LAMA3: variants seen among roughly 807,000 people sequenced by gnomAD.
The protein encoded by LAMA3 is laminin subunit alpha 3, also known as laminin subunit alpha-3.
LAMA3 carries 281 observed loss-of-function variants against 402.0 expected under a neutral mutation model. The ratio of observed to expected loss-of-function variants is 0.70; its 90% CI spans 0.63 to 0.77. LAMA3 has a LOEUF of 0.77. Among genes scored for constraint, LAMA3 ranks in the 30% least tolerant of loss-of-function variants. LAMA3 has a pLI of 0.00. For synonymous variants in LAMA3, 1,431 were observed against 1,558.4 expected (o/e 0.92, Z 1.93); for missense variants, 3,840 against 4,215.5 (o/e 0.91, Z 2.47).
At position 23,954,693 on chromosome 18, in the gene LAMA3, G is replaced by T; in HGVS notation, c.*45G>T. The T allele has an allele frequency of 1.2e-6, 2 of 1,600,760 alleles. No individual in the cohort carries two copies. The highest frequency in any genetic ancestry group is 1.1e-5 in the South Asian group (1 of 90,780). On this transcript the variant is annotated 3_prime_UTR_variant, in exon 75 of 75. Transcript: ENST00000313654. ...AAGGAAATTCACCTTCAAAAGCACT[G>T]ATTACCCAATGCACCTCCCTCCCCA... is the stretch of plus-strand genomic sequence containing the variant.
intron 68 of LAMA3, 58 bp downstream of exon 68, chr18:23,939,444 C>A: frequency 7.1e-6 from 11 of 1,559,982 alleles, no homozygotes; most frequent in Admixed American, 1.7e-5. Flanking sequence ...GCGATTCCAC[C>A]TCAGGGAAGT....
In LAMA3 at chr18:23,951,726, T is replaced by C. The variant is rs765495036; in HGVS notation, c.9685T>C (p.Ser3229Pro). 2 of 1,613,834 alleles carry C rather than the reference T, an allele frequency of 1.2e-6. No individual in the cohort carries two copies. The highest frequency in any genetic ancestry group is 1.1e-5 in the South Asian group (1 of 91,056). Residue 3229 changes from serine to proline, a missense_variant, in exon 73 of 75, where the codon TCG becomes CCG. Around this residue, in one of 3 missense-constraint regions of LAMA3, gnomAD observed 840 missense variants for 981.9 expected, o/e 0.86. Coordinates refer to ENST00000313654, the MANE Select transcript of LAMA3 (RefSeq NM_198129.4). ...MDSGAGGTST[S>P]VTPKQSLCDG... is the part of the protein sequence containing the mutation. ...CAGTGGGGCAGGTGGGACCTCAACG[T>C]CGGTCACACCAAAGCAGTCTCTGTG...
chr18:23,886,763 C>G (rs2065087257), intron 41 of LAMA3, among the ~76,000 whole-genome samples: 1 of 152,154 alleles, frequency 6.6e-6, no homozygotes, highest in Non-Finnish European at 1.5e-5. Context: ...AAGGCATAAC[C>G]ACCCTAGACT....
At chr18:23,924,763 G>A (rs920028083) in intron 62 of LAMA3, among the ~76,000 whole-genome samples, 2 of 151,728 alleles carry the variant, frequency 1.3e-5, no homozygotes, top group Admixed American at 6.6e-5. Context: ...GGCTGGTCTC[G>A]AACTCCTGAC....
chr18:23,752,862 T>G (rs1568146228), intron 5 of LAMA3, among the ~76,000 whole-genome samples: 1 of 152,198 alleles, frequency 6.6e-6, no homozygotes, highest in Non-Finnish European at 1.5e-5. Context: ...CCTTGCGAAT[T>G]CAAAGACTTC....
chr18:23,950,319 T>G (rs1599184354), intron 72 of LAMA3, among the ~76,000 whole-genome samples, 160 bp downstream of exon 72: 2 of 152,300 alleles, frequency 1.3e-5, no homozygotes, highest in South Asian at 4.1e-4. Context: ...GCAAGTAATT[T>G]TATCATCATG....
chr18:23,844,690 A>G lies in LAMA3; in HGVS notation c.3604-319A>G, dbSNP rs58651870. Among the ~76,000 whole-genome samples, 5,240 of 148,904 alleles carry G rather than the reference A, an allele frequency of 0.035. 293 individuals carry two copies. The highest frequency in any genetic ancestry group is 0.12 in the African/African-American group (5,000 of 40,520). ...GTGTTGATCTCAGTGAAGAGAAAGTACAGGTTGAAAATCTCTTATCTGAAA... is the reference window on the plus strand; with the variant it reads ...GTGTTGATCTCAGTGAAGAGAAAGTGCAGGTTGAAAATCTCTTATCTGAAA... On this transcript the variant is annotated intron_variant, in intron 29 of 74. Coordinates refer to ENST00000313654, the MANE Select transcript of LAMA3 (RefSeq NM_198129.4).
At chr18:23,870,183 A>G (rs2064475859) in intron 37 of LAMA3, among the ~76,000 whole-genome samples, 1 of 152,106 alleles carries the variant, frequency 6.6e-6, no homozygotes, top group South Asian at 2.1e-4. Flanking sequence ...CGTGCCTATA[A>G]TCCCAGTTAC....
chr18:23,948,886 G>C (rs2082804351), intron 70 of LAMA3, among the ~76,000 whole-genome samples: 1 of 152,106 alleles, frequency 6.6e-6, no homozygotes, highest in Non-Finnish European at 1.5e-5. Context: ...TTCTTTTAAA[G>C]TTACCATATC....
rs536898622 is a variant in LAMA3 at position 23,704,181 on chromosome 18, G to A, written c.295-9739G>A. ...GGCTTTTTGTGCCTGCCACAAGGGC[G>A]TGCATCTGAACCTCTGCCAGACAGA... On this transcript the variant is annotated intron_variant, in intron 1 of 74. Transcript: ENST00000313654. 2.3e-3 allele frequency among the ~76,000 whole-genome samples: 356 copies of A among 152,328 alleles called. 4 individuals are homozygous for A. The highest frequency in any genetic ancestry group is 0.014 in the South Asian group (69 of 4,818).
At chr18:23,723,268 T>C (rs1448120552) in intron 2 of LAMA3, among the ~76,000 whole-genome samples, 1 of 152,208 alleles carries the variant, frequency 6.6e-6, no homozygotes, top group Non-Finnish European at 1.5e-5. Context: ...AGATAAATGC[T>C]CTAATGTCTG....
At chr18:23,892,043 G>A (rs1217153854) in intron 42 of LAMA3, among the ~76,000 whole-genome samples, 1 of 152,180 alleles carries the variant, frequency 6.6e-6, no homozygotes, top group African/African-American at 2.4e-5. Flanking sequence ...GGTTGGTATT[G>A]TTCTCTGAGA....
chr18:23,747,164 A>G (rs893819327), intron 2 of LAMA3, among the ~76,000 whole-genome samples: 3 of 152,156 alleles, frequency 2.0e-5, no homozygotes, highest in African/African-American at 7.2e-5. Flanking sequence ...ACCGTGTTCA[A>G]TGTCGTACCA....
At chr18:23,714,828 A>G (rs2061065879) in intron 2 of LAMA3, among the ~76,000 whole-genome samples, 1 of 151,950 alleles carries the variant, frequency 6.6e-6, no homozygotes, top group African/African-American at 2.4e-5. Context: ...GCAACTCCCC[A>G]TTCCCCTTTC....
At chr18:23,873,027 G>C (rs747580047) in intron 38 of LAMA3, 1 of 1,614,088 alleles carries the variant, frequency 6.2e-7, no homozygotes. Context: ...CGCAGCCAGC[G>C]GACGTCCAGG....
chr18:23,742,346 G>A (rs898369423), intron 2 of LAMA3, among the ~76,000 whole-genome samples: 3 of 152,128 alleles, frequency 2.0e-5, no homozygotes, highest in Admixed American at 6.5e-5. Flanking sequence ...GAGACCTGAC[G>A]ACTCACTGCC....
chr18:23,935,106 A>T (rs2082274290), intron 67 of LAMA3, among the ~76,000 whole-genome samples: 1 of 152,254 alleles, frequency 6.6e-6, no homozygotes, highest in African/African-American at 2.4e-5. Context: ...GGTGAACTGG[A>T]GAGAGCAAAT....
chr18:23,884,879 A>G, intron 41 of LAMA3, 26 bp downstream of exon 41: 1 of 1,574,660 alleles, frequency 6.4e-7, no homozygotes. Context: ...CTCCCGCCTC[A>G]GCCTGCAGAG....
In LAMA3 at chr18:23,847,649, C is replaced by T. The variant is rs200328917; in HGVS notation, c.4117C>T (p.Arg1373Trp). 2.5e-5 allele frequency: 41 copies of T among 1,613,584 alleles called. No homozygotes were observed. The highest frequency in any genetic ancestry group is 8.9e-5 in the East Asian group (4 of 44,886). Residue 1373 changes from arginine to tryptophan, a missense_variant, in exon 32 of 75, where the codon CGG becomes TGG. Physicochemically the swap from Arg to Trp is moderately radical, Grantham distance 101. Transcript: ENST00000313654. ...TIEAAMPECD[R>W]DSGQCRCKPR... ...CGAGGCTGCCATGCCGGAGTGTGAC[C>T]GGGACAGCGGGCAGTGCAGGTGAGC...
Sources: gnomAD v4.1 joint callset for allele counts (sites outside exome capture counted in the v4.1 genomes callset) on GRCh38, gnomAD v4.1.1 for gene constraint, gnomAD v4.1.1 regional missense constraint, MANE v1.5 for transcripts, NCBI Gene and HGNC (gene_info 2026-07-23, HGNC 2026-07-21) for gene names.